The following ZNF692 variants were observed in gnomAD, a reference collection of about 807,000 sequenced individuals.
ZNF692 encodes AICAR responsive element binding protein.
A neutral mutation model predicts 49.0 loss-of-function variants in ZNF692; 41 were observed. That is an observed-to-expected ratio of 0.84 (90% CI 0.65 to 1.08). The LOEUF is 1.08. Among genes scored for constraint, ZNF692 ranks in the 50% least tolerant of loss-of-function variants. The pLI, the probability that ZNF692 is intolerant of heterozygous loss-of-function variation, is 0.00. For missense variants in ZNF692, 662 were observed against 662.2 expected (o/e 1.00, Z 0.00); for synonymous variants, 288 against 251.5 (o/e 1.15, Z -1.37).
At position 248,857,306 on chromosome 1, in the gene ZNF692, T is replaced by C; in HGVS notation, c.403A>G (p.Lys135Glu). ...SLSPTPSEAPKPASLPHTTRR... is the reference protein window; with the variant it reads ...SLSPTPSEAPEPASLPHTTRR... Reference sequence around the variant, plus strand: ...GTAGTATGTGGAAGGGAGGCTGGCTTGGGTGCCTCTGAAGGTGTAGGGCTC... The same window carrying C: ...GTAGTATGTGGAAGGGAGGCTGGCTCGGGTGCCTCTGAAGGTGTAGGGCTC... The change falls in exon 4 of 12, where the codon AAG (lysine) becomes GAG (glutamate). Residue 135 changes from lysine to glutamate, a missense_variant. Coordinates refer to ENST00000306601, the MANE Select transcript of ZNF692 (RefSeq NM_017865.4). The C allele has an allele frequency of 6.2e-7, 1 of 1,614,196 alleles. No homozygotes were observed. The highest frequency in any genetic ancestry group is 1.7e-5 in the Admixed American group (1 of 60,016).
At position 248,857,438 on chromosome 1, in the gene ZNF692, T is replaced by A. The variant is rs770299143; in HGVS notation, c.271A>T (p.Ser91Cys). ...QYLVLLSHAH[S>C]RECSLVPGLR... ...CCGGGCACCAGGCTGCACTCTCGGCTGTGGGCATGAGACAAGAGCACCAGA... is the reference window on the plus strand; with the variant it reads ...CCGGGCACCAGGCTGCACTCTCGGCAGTGGGCATGAGACAAGAGCACCAGA... The change falls in exon 4 of 12, where the codon AGC becomes TGC. Residue 91 changes from serine to cysteine, a missense_variant. Physicochemically the swap from Ser to Cys is moderately radical, Grantham distance 112. Coordinates refer to ENST00000306601, the MANE Select transcript of ZNF692 (RefSeq NM_017865.4). 1 of 1,613,994 alleles carries A rather than the reference T, an allele frequency of 6.2e-7. No individual in the cohort carries two copies. Among genetic ancestry groups the A allele is most frequent in the Non-Finnish European group, 8.5e-7 (1 of 1,180,016 alleles).
At chr1:248,857,787 C>A in intron 3 of ZNF692, 41 bp downstream of exon 3, 1 of 1,608,060 alleles carries the variant, frequency 6.2e-7, no homozygotes, top group Admixed American at 1.7e-5. Flanking sequence ...CCTGTGGTCC[C>A]TCTTCCCTCT....
At chr1:248,857,712 A>G (rs1660402133) in intron 3 of ZNF692, 116 bp downstream of exon 3, 1 of 1,509,686 alleles carries the variant, frequency 6.6e-7, no homozygotes, top group South Asian at 1.3e-5. Context: ...TGTGCTCCCC[A>G]ACTCACCCCA....
At chr1:248,853,909 C>A in intron 10 of ZNF692, 28 bp downstream of exon 10, 1 of 1,578,878 alleles carries the variant, frequency 6.3e-7, no homozygotes. Context: ...AAAGGTCCCA[C>A]AGAGGAAGGT....
Position 248,858,103 on chromosome 1 carries a change from C to T in ZNF692, c.179+28G>A. On this transcript the variant is annotated intron_variant, in intron 2 of 11. Transcript: ENST00000306601. The surrounding 1 kb of genome is among the most constrained non-coding windows in gnomAD (Gnocchi z 4.3). ...CTAGGGGCTGCTGCCTGGGTACCCT[C>T]CCCCAAGCCCTTCTCCCGGCCCCTA... 6.4e-7 allele frequency: 1 copy of T among 1,553,368 alleles called. No homozygotes were observed. Among genetic ancestry groups the T allele is most frequent in the Non-Finnish European group, 8.7e-7 (1 of 1,152,840 alleles).
intron 4 of ZNF692, 103 bp from the exon 5 acceptor site, chr1:248,856,665 TTAAA>T (rs1267862176): frequency 7.0e-7 from 1 of 1,425,466 alleles, no homozygotes; most frequent in Non-Finnish European, 9.8e-7. Flanking sequence ...TCTTTTTTTT[TTAAA>T]TAGAGACGGG....
intron 10 of ZNF692, among the ~76,000 whole-genome samples, chr1:248,852,419 A>G (rs1413417614): frequency 2.0e-5 from 3 of 152,098 alleles, no homozygotes; most frequent in African/African-American, 7.2e-5. Context: ...GTGCCCCTCA[A>G]GACCAACCCC....
chr1:248,859,054 C>A lies in ZNF692; in HGVS notation c.-149G>T, dbSNP rs1660600934. The A allele has an allele frequency of 6.5e-6, 1 of 153,758 alleles. No individual in the cohort carries two copies. 9.5% of individuals were successfully genotyped at this position (153,758 alleles called of 1,614,324 possible). On this transcript the variant is annotated 5_prime_UTR_variant, in exon 1 of 12. Coordinates refer to ENST00000306601, the MANE Select transcript of ZNF692 (RefSeq NM_017865.4). Reference sequence around the variant, plus strand: ...GTTTCTCTTTTAAGAAGAAACGGTGCCTCTCGGCGTCGGCTGCTGTAGCCC... The same window carrying A: ...GTTTCTCTTTTAAGAAGAAACGGTGACTCTCGGCGTCGGCTGCTGTAGCCC...
chr1:248,856,831 G>A (rs538204434), intron 4 of ZNF692, among the ~76,000 whole-genome samples: 1 of 152,292 alleles, frequency 6.6e-6, no homozygotes, highest in East Asian at 1.9e-4. Context: ...GGCTATCTGA[G>A]TAGGAGGAGT....
chr1:248,858,139 C>T lies in ZNF692; in HGVS notation c.171G>A (p.Leu57=), dbSNP rs1660461577. 5 of 1,567,492 alleles carry T rather than the reference C, an allele frequency of 3.2e-6. No homozygotes were observed. The highest frequency in any genetic ancestry group is 4.3e-6 in the Non-Finnish European group (5 of 1,159,092). Residue 57 remains leucine (L), a synonymous_variant, in exon 2 of 12, where the codon CTG becomes CTA. Transcript: ENST00000306601. The surrounding 1 kb of genome is among the most constrained non-coding windows in gnomAD (Gnocchi z 4.3). ...TTCTCCCGGCCCCTAACCGGTCCAA[C>T]AGGAACTTGGCGAGCTGCGAGTGCA... is the stretch of plus-strand genomic sequence containing the variant. The part of the protein sequence containing the change: ...FSLHSQLAKF[L]LDRYTSSGCV...
At chr1:248,857,177 A>G in intron 4 of ZNF692, 57 bp downstream of exon 4, 2 of 1,530,050 alleles carry the variant, frequency 1.3e-6, no homozygotes, top group Non-Finnish European at 1.8e-6. Flanking sequence ...TGAGCTACAG[A>G]AAATGGGAAA....
chr1:248,852,213 G>T (rs1342304925), intron 10 of ZNF692, among the ~76,000 whole-genome samples: 1 of 152,106 alleles, frequency 6.6e-6, no homozygotes, highest in Non-Finnish European at 1.5e-5. Context: ...AAATACAGAA[G>T]ACATTTCACA....
Position 248,858,485 on chromosome 1 carries a change from A to C in ZNF692, c.-12-164T>G. 1 of 1,551,708 alleles carries C rather than the reference A, an allele frequency of 6.4e-7. No individual in the cohort carries two copies. The highest frequency in any genetic ancestry group is 8.7e-7 in the Non-Finnish European group (1 of 1,146,990). On this transcript the variant is annotated intron_variant, in intron 1 of 11. Transcript: ENST00000306601. This position sits in a 1 kb window ranked among gnomAD's most constrained non-coding sequence, Gnocchi z 4.3. ...TGGAGCCAAACCCCGTCCTTCTATGATACAGGGTGTTGAAGCTCAGCGCTA... is the reference window on the plus strand; with the variant it reads ...TGGAGCCAAACCCCGTCCTTCTATGCTACAGGGTGTTGAAGCTCAGCGCTA...
At chr1:248,855,279 G>A (rs1660090151) in intron 9 of ZNF692, 101 bp downstream of exon 9, 1 of 1,176,226 alleles carries the variant, frequency 8.5e-7, no homozygotes, top group Non-Finnish European at 1.2e-6. Flanking sequence ...CTGCTTCCTG[G>A]TTCTGAATCC....
rs1438202466 is a variant in ZNF692, at chr1:248,855,708, C to G, written c.881+17G>C. On this transcript the variant is annotated intron_variant, in intron 7 of 11. Transcript: ENST00000306601. ...CCCAGGACGCCCCTGCCCTTTCTGT[C>G]TCAGCCATCAGGTTACCTGGCCAGG... is the stretch of plus-strand genomic sequence containing the variant. The G allele has an allele frequency of 3.7e-6, 6 of 1,614,234 alleles. No homozygotes were observed. Among genetic ancestry groups the G allele is most frequent in the Non-Finnish European group, 5.1e-6 (6 of 1,180,048 alleles).
rs1660103779 is a variant in ZNF692, at chr1:248,855,367, C to G, written c.1038+13G>C. 1 of 1,614,054 alleles carries G rather than the reference C, an allele frequency of 6.2e-7. No homozygotes were observed. The highest frequency in any genetic ancestry group is 1.3e-5 in the African/African-American group (1 of 75,024). ...CCCCAGCAGCCACACAGGCCCCAACCTGTGCCCCTCACATTCAAATACTGC... is the reference window on the plus strand; with the variant it reads ...CCCCAGCAGCCACACAGGCCCCAACGTGTGCCCCTCACATTCAAATACTGC... On this transcript the variant is annotated intron_variant, in intron 9 of 11. Coordinates refer to ENST00000306601, the MANE Select transcript of ZNF692 (RefSeq NM_017865.4).
At chr1:248,855,701 T>C (rs202234605) in intron 7 of ZNF692, 24 bp downstream of exon 7, 298 of 1,614,156 alleles carry the variant, frequency 1.8e-4, no homozygotes, top group African/African-American at 2.5e-4. Context: ...GCCCCTGCCC[T>C]TTCTGTCTCA....
intron 11 of ZNF692, 82 bp downstream of exon 11, chr1:248,850,600 C>G (rs1442228747): frequency 6.2e-7 from 1 of 1,600,086 alleles, no homozygotes; most frequent in African/African-American, 1.3e-5. Context: ...TCCCCACTGC[C>G]TAGGTGTCCT....
At chr1:248,852,867 G>A (rs1441158772) in intron 10 of ZNF692, among the ~76,000 whole-genome samples, 1 of 151,936 alleles carries the variant, frequency 6.6e-6, no homozygotes. Context: ...CTCTATGTAG[G>A]GACACTCTGG....
Sources: gnomAD v4.1 joint callset for allele counts (sites outside exome capture counted in the v4.1 genomes callset) on GRCh38, gnomAD v4.1.1 for gene constraint, Gnocchi (gnomAD v3.1) non-coding constraint, MANE v1.5 for transcripts, NCBI Gene and HGNC (gene_info 2026-07-23, HGNC 2026-07-21) for gene names.